USP42: variants seen among roughly 807,000 people sequenced by gnomAD.
The protein encoded by USP42 is ubiquitin carboxyl-terminal hydrolase 42.
A neutral mutation model predicts 113.0 loss-of-function variants in USP42; 23 were observed. That is an observed-to-expected ratio of 0.20 (90% CI 0.15 to 0.29). The LOEUF is 0.29. Ranked by LOEUF, USP42 falls within the 10% of genes least tolerant of loss-of-function variation. The probability of loss-of-function intolerance (pLI) is 1.00; values close to 1 mark genes in which losing one functional copy is unlikely to be tolerated. For synonymous variants in USP42, 933 were observed against 699.0 expected, an observed-to-expected ratio of 1.33 and a Z score of -5.28; for missense variants, 2,174 against 1,779.8, an observed-to-expected ratio of 1.22 and a Z score of -3.99.
intron 6 of USP42, among the ~76,000 whole-genome samples, chr7:6,140,615 CTTAGTA>C (rs1388626003): frequency 6.6e-6 from 1 of 152,122 alleles, no homozygotes; most frequent in Non-Finnish European, 1.5e-5. Context: ...AGGATGAATT[CTTAGTA>C]TTAGAATTTC....
At chr7:6,137,813 T>G (rs1781228068) in intron 4 of USP42, among the ~76,000 whole-genome samples, 1 of 152,104 alleles carries the variant, frequency 6.6e-6, no homozygotes, top group African/African-American at 2.4e-5. Context: ...CCTGAGTAGC[T>G]GGGACTACAG....
intron 3 of USP42, among the ~76,000 whole-genome samples, chr7:6,124,588 C>T (rs1026511272): frequency 2.0e-5 from 3 of 152,108 alleles, no homozygotes; most frequent in African/African-American, 7.2e-5. Context: ...TTATAAATAG[C>T]TTATTAATTT....
upstream of USP42, among the ~76,000 whole-genome samples, chr7:6,104,073 T>C (rs1258062325): frequency 6.6e-6 from 1 of 151,044 alleles, no homozygotes; most frequent in African/African-American, 2.5e-5. Context: ...ACAGACCCTG[T>C]TTCTTTTCTT....
intron 2 of USP42, among the ~76,000 whole-genome samples, chr7:6,111,620 T>C (rs2128477174): frequency 1.3e-5 from 2 of 151,420 alleles, no homozygotes; most frequent in Admixed American, 1.3e-4. Flanking sequence ...TTTTTTTTTT[T>C]GAGACGGAGT....
At chr7:6,142,851 T>C in intron 7 of USP42, 81 bp from the exon 8 acceptor site, 1 of 1,403,024 alleles carries the variant, frequency 7.1e-7, no homozygotes, top group Admixed American at 1.8e-5. Flanking sequence ...GCCACTGCAC[T>C]CCAGCCTGGG....
At chr7:6,144,289 CA>C in intron 9 of USP42, 93 bp downstream of exon 9, 1 of 831,364 alleles carries the variant, frequency 1.2e-6, no homozygotes, top group South Asian at 1.8e-5. Context: ...TCGACTTTCT[CA>C]TGACAAAATT....
At chr7:6,105,632 G>T (rs1423468987) in intron 1 of USP42, among the ~76,000 whole-genome samples, 1 of 152,122 alleles carries the variant, frequency 6.6e-6, no homozygotes, top group African/African-American at 2.4e-5. Context: ...AGAGTCCGAG[G>T]TGCCCACGCC....
chr7:6,089,515 C>A, the USP42 span, among the ~76,000 whole-genome samples: 2 of 150,240 alleles, frequency 1.3e-5, no homozygotes, highest in Admixed American at 1.3e-4. Context: ...TGGACCCCGT[C>A]CCTGCTTCAC....
At chr7:6,116,340 C>T (rs1169988045) in intron 3 of USP42, 2 of 166,248 alleles carry the variant, frequency 1.2e-5, no homozygotes, top group Non-Finnish European at 2.6e-5. Context: ...TCAGTTAAAG[C>T]TTATTAAAAT....
rs1583587738 is a variant in USP42, at chr7:6,115,604, T to G, written c.442+81T>G. Reference sequence around the variant, plus strand: ...TTTCCTCTGAAATGAAAGTGAAGAATTAATCCAAGAGTGCTATGATTACTA... The same window carrying G: ...TTTCCTCTGAAATGAAAGTGAAGAAGTAATCCAAGAGTGCTATGATTACTA... On this transcript the variant is annotated intron_variant, in intron 3 of 17. Coordinates refer to ENST00000306177, the MANE Select transcript of USP42 (RefSeq NM_032172.3). The G allele has an allele frequency of 6.7e-6, 10 of 1,502,616 alleles. No individual in the cohort carries two copies. In the East Asian group the frequency reaches 2.3e-4, roughly 35 times the overall value. The allele number at this position is 1,502,616 out of a possible 1,614,324, so 93.1% of individuals were successfully genotyped here.
In USP42 at chr7:6,135,206, C is replaced by G. The variant is rs575344722; in HGVS notation, c.443-635C>G. On this transcript the variant is annotated intron_variant, in intron 3 of 17. Transcript: ENST00000306177. The stretch of plus-strand genomic sequence containing the variant: ...TATAGAGAGTAGCTAGGAGCACTGG[C>G]TTTCAAATTTGAAAGAGTATGATTT... 3.3e-5 allele frequency among the ~76,000 whole-genome samples: 5 copies of G among 152,278 alleles called. No homozygotes were observed. In the South Asian group the frequency reaches 1.0e-3, roughly 32 times the overall value.
chr7:6,136,952 A>C (rs763412181), intron 4 of USP42, among the ~76,000 whole-genome samples: 2 of 152,060 alleles, frequency 1.3e-5, no homozygotes, highest in African/African-American at 4.8e-5. Flanking sequence ...TTACAGTCTT[A>C]AAAGAATATA....
At chr7:6,099,953 A>C, upstream of USP42, among the ~76,000 whole-genome samples, 1 of 110,366 alleles carries the variant, frequency 9.1e-6, no homozygotes, top group Admixed American at 9.4e-5. Flanking sequence ...ACAGAACGAG[A>C]CTCCCTCTCA....
intron 15 of USP42, among the ~76,000 whole-genome samples, chr7:6,155,817 T>C (rs1782417224): frequency 1.3e-5 from 2 of 152,198 alleles, no homozygotes; most frequent in Non-Finnish European, 2.9e-5. Context: ...AGTGATGCCA[T>C]CATAACTCAC....
chr7:6,097,026 C>T, the USP42 span, among the ~76,000 whole-genome samples: 2 of 150,706 alleles, frequency 1.3e-5, no homozygotes, highest in Non-Finnish European at 1.5e-5. Flanking sequence ...CTTGCCTCAG[C>T]CTCCCAAGTA....
intron 2 of USP42, among the ~76,000 whole-genome samples, chr7:6,112,934 C>G (rs568241595): frequency 7.4e-6 from 1 of 135,028 alleles, no homozygotes; most frequent in Non-Finnish European, 1.5e-5. Flanking sequence ...GACAGAGTCT[C>G]GCTCTGTCGC....
In USP42 at chr7:6,149,968, C is replaced by T. The variant is rs1781945104; in HGVS notation, c.1772C>T (p.Pro591Leu). The T allele has an allele frequency of 6.2e-7, 1 of 1,613,918 alleles. No homozygotes were observed. The highest frequency in any genetic ancestry group is 1.3e-5 in the African/African-American group (1 of 75,048). Reference sequence around the variant, plus strand: ...CCCCGCAGTGAATCCTGCTCCCAGCCCGTGATGAATGGCAAATCCAAGCTG... The same window carrying T: ...CCCCGCAGTGAATCCTGCTCCCAGCTCGTGATGAATGGCAAATCCAAGCTG... ...PIPRSESCSQ[P>L]VMNGKSKLNS... Residue 591 changes from proline (P) to leucine (L), a missense_variant, in exon 13 of 18, where the codon CCC (proline) becomes CTC (leucine). Transcript: ENST00000306177.
At chr7:6,112,218 G>A (rs1222382710) in intron 2 of USP42, among the ~76,000 whole-genome samples, 1 of 152,120 alleles carries the variant, frequency 6.6e-6, no homozygotes, top group Admixed American at 6.6e-5. Flanking sequence ...GGAGGCCAAG[G>A]CAGGTGGATC....
At position 6,154,769 on chromosome 7, in the gene USP42, G is replaced by A. The variant is rs757418213; in HGVS notation, c.3215G>A (p.Arg1072Gln). Residue 1072 changes from arginine to glutamine, a missense_variant, in exon 15 of 18, where the codon CGG becomes CAG. By Grantham distance (43) the Arg-to-Gln change is conservative. Transcript: ENST00000306177. ...YHDRYALYAA[R>Q]DWKPFHGGRE... ...GACAGGTACGCCCTGTACGCTGCCC[G>A]GGACTGGAAGCCCTTCCACGGCGGC... is the stretch of plus-strand genomic sequence containing the variant. The A allele has an allele frequency of 4.5e-6, 7 of 1,554,822 alleles. No homozygotes were observed. The Admixed American group carries it at 1.2e-4, about 26-fold the overall frequency.
Sources: gnomAD v4.1 joint callset for allele counts (sites outside exome capture counted in the v4.1 genomes callset) on GRCh38, gnomAD v4.1.1 for gene constraint, MANE v1.5 for transcripts, NCBI Gene and HGNC (gene_info 2026-07-23, HGNC 2026-07-21) for gene names.